The following SLC16A2 variants were observed in gnomAD, a reference collection of about 807,000 sequenced individuals.
SLC16A2 encodes the protein monocarboxylate transporter 8.
SLC16A2 carries 3 observed loss-of-function variants against 27.2 expected under a neutral mutation model. The observed-to-expected ratio is 0.11, with a 90% CI of 0.05 to 0.28. The LOEUF is 0.28. Among genes scored for constraint, SLC16A2 ranks in the 10% least tolerant of loss-of-function variants. The pLI is 1.00. For missense variants in SLC16A2, 295 were observed against 458.5 expected (o/e 0.64, Z 3.26); for synonymous variants, 202 against 187.8 (o/e 1.08, Z -0.62).
chrX:74,521,754 GA>G (rs980873433), intron 2 of SLC16A2, among the ~76,000 whole-genome samples: 4 of 112,169 alleles, frequency 3.6e-5, no homozygotes, highest in African/African-American at 9.7e-5. Flanking sequence ...GACAGATAAT[GA>G]TTTACATCAT....
intron 1 of SLC16A2, among the ~76,000 whole-genome samples, chrX:74,482,429 A>G (rs779515669): frequency 2.7e-5 from 3 of 111,361 alleles, no homozygotes; most frequent in African/African-American, 9.8e-5. Context: ...CATTGCATGT[A>G]TATTGGTGTG....
At chrX:74,467,689 T>C (rs1407756039) in intron 1 of SLC16A2, among the ~76,000 whole-genome samples, 1 of 111,759 alleles carries the variant, frequency 8.9e-6, no homozygotes, top group East Asian at 2.8e-4. Context: ...GTACAAAAAA[T>C]TCTACCAGTT....
chrX:74,506,556 G>A (rs1930130152), intron 1 of SLC16A2, among the ~76,000 whole-genome samples: 1 of 111,347 alleles, frequency 9.0e-6, no homozygotes, highest in Non-Finnish European at 1.9e-5. Context: ...GGTGAGTTTG[G>A]CTGAGAGGTA....
rs954725228 is a variant in SLC16A2 at position 74,482,703 on chromosome X, G to GT, written c.431-38277dup. Among the ~76,000 whole-genome samples the GT allele has an allele frequency of 2.3e-4, 25 of 106,444 alleles. No individual in the cohort carries two copies. The East Asian group carries it at 2.6e-3, about 11-fold the overall frequency. 92.4% of individuals were successfully genotyped at this position (106,444 alleles called of 115,157 possible). A position where few individuals can be genotyped will look rare whatever the true frequency, so the allele number is the denominator to read the frequency against. On this transcript the variant is annotated intron_variant, in intron 1 of 5. Transcript: ENST00000587091. The stretch of plus-strand genomic sequence containing the variant: ...GAATTTCTCACAAATTCTTTTAGTT[G>GT]TTTTTTTTTTCTTAGACAGGGTCTC...
At chrX:74,424,175 G>A (rs902329647) in intron 1 of SLC16A2, among the ~76,000 whole-genome samples, 29 of 110,517 alleles carry the variant, frequency 2.6e-4, no homozygotes, top group African/African-American at 8.9e-4. Flanking sequence ...TTCACTGAGG[G>A]GCTGAGGTCA....
chrX:74,494,804 T>C (rs1035312452), intron 1 of SLC16A2, among the ~76,000 whole-genome samples: 6 of 111,275 alleles, frequency 5.4e-5, no homozygotes, highest in Middle Eastern at 4.6e-3. Context: ...ACTGAGGGAC[T>C]GGGTCAGGTT....
intron 1 of SLC16A2, among the ~76,000 whole-genome samples, chrX:74,448,115 C>T (rs1928870388): frequency 9.0e-6 from 1 of 111,369 alleles, no homozygotes; most frequent in Non-Finnish European, 1.9e-5. Context: ...CAACGGTTCC[C>T]AACCCTAGCT....
rs181312827 is a variant in SLC16A2, at chrX:74,504,149, G to T, written c.431-16841G>T. Among the ~76,000 whole-genome samples the T allele has an allele frequency of 5.7e-3, 637 of 111,761 alleles. 8 individuals carry two copies. Among genetic ancestry groups the T allele is most frequent in the African/African-American group, 0.02 (602 of 30,750 alleles). Reference sequence around the variant, plus strand: ...GTGAAGATCTAATGAGATAAGTGCTGAAAAAGGGTTTTGGGAGATAAAAGA... The same window carrying T: ...GTGAAGATCTAATGAGATAAGTGCTTAAAAAGGGTTTTGGGAGATAAAAGA... On this transcript the variant is annotated intron_variant, in intron 1 of 5. Coordinates refer to ENST00000587091, the MANE Select transcript of SLC16A2 (RefSeq NM_006517.5).
intron 1 of SLC16A2, among the ~76,000 whole-genome samples, chrX:74,440,808 G>GTC (rs1326907754): frequency 9.1e-6 from 1 of 110,317 alleles, no homozygotes; most frequent in Non-Finnish European, 1.9e-5. Context: ...GAGGGTGTGT[G>GTC]TGTGTGTGTG....
intron 1 of SLC16A2, among the ~76,000 whole-genome samples, chrX:74,426,487 G>A (rs1405608344): frequency 1.8e-5 from 2 of 111,837 alleles, no homozygotes; most frequent in Admixed American, 9.5e-5. Flanking sequence ...GGCCTCAAAT[G>A]CTCATTCTAA....
intron 1 of SLC16A2, among the ~76,000 whole-genome samples, chrX:74,452,093 A>T (rs1291090343): frequency 8.9e-6 from 1 of 112,592 alleles, no homozygotes; most frequent in Non-Finnish European, 1.9e-5. Flanking sequence ...TAGGGAAATG[A>T]TGATAATAGA....
chrX:74,505,790 T>C (rs1027671805), intron 1 of SLC16A2, among the ~76,000 whole-genome samples: 7 of 112,289 alleles, frequency 6.2e-5, no homozygotes, highest in Non-Finnish European at 1.9e-5. Flanking sequence ...AGTGATAACC[T>C]GTCCCATTGG....
intron 1 of SLC16A2, among the ~76,000 whole-genome samples, chrX:74,429,852 G>A (rs760344573): frequency 9.0e-6 from 1 of 111,559 alleles, no homozygotes; most frequent in African/African-American, 3.3e-5. Flanking sequence ...TTTGTTCATG[G>A]CCCATGTCCC....
At chrX:74,504,258 C>T (rs1458527287) in intron 1 of SLC16A2, among the ~76,000 whole-genome samples, 3 of 111,964 alleles carry the variant, frequency 2.7e-5, no homozygotes, top group Non-Finnish European at 5.6e-5. Context: ...CTCTTGAGTC[C>T]ATCGACTCTG....
chrX:74,459,457 ACACT>A (rs72239581), intron 1 of SLC16A2, among the ~76,000 whole-genome samples: 1,357 of 106,575 alleles, frequency 0.013, 21 homozygotes, highest in African/African-American at 0.045. Flanking sequence ...GGAAGACAAA[ACACT>A]CACTGAAGGA....
At chrX:74,482,563 C>A (rs1929640477) in intron 1 of SLC16A2, among the ~76,000 whole-genome samples, 1 of 111,762 alleles carries the variant, frequency 8.9e-6, no homozygotes, top group African/African-American at 3.3e-5. Context: ...TATTTCCTGC[C>A]ACCTGAAGTC....
At chrX:74,477,787 G>A (rs1929516390) in intron 1 of SLC16A2, among the ~76,000 whole-genome samples, 1 of 112,111 alleles carries the variant, frequency 8.9e-6, no homozygotes, top group Non-Finnish European at 1.9e-5. Flanking sequence ...GTAGTTGAGT[G>A]GTTTTGAGTG....
chrX:74,507,767 G>A (rs1312721225), intron 1 of SLC16A2, among the ~76,000 whole-genome samples: 2 of 112,008 alleles, frequency 1.8e-5, no homozygotes, highest in African/African-American at 6.5e-5. Context: ...AGAACTGGAG[G>A]CCATTATCTT....
At chrX:74,446,930 G>A (rs925643293) in intron 1 of SLC16A2, among the ~76,000 whole-genome samples, 1 of 112,608 alleles carries the variant, frequency 8.9e-6, no homozygotes, top group Non-Finnish European at 1.9e-5. Flanking sequence ...CTAAAGCACT[G>A]TGACAGATAC....
Sources: gnomAD v4.1 joint callset for allele counts (sites outside exome capture counted in the v4.1 genomes callset) on GRCh38, gnomAD v4.1.1 for gene constraint, MANE v1.5 for transcripts, NCBI Gene and HGNC (gene_info 2026-07-23, HGNC 2026-07-21) for gene names.